RSAD2: variants seen among roughly 807,000 people sequenced by gnomAD.
The protein encoded by RSAD2 is S-adenosylmethionine-dependent nucleotide dehydratase RSAD2.
RSAD2 carries 38 observed loss-of-function variants against 37.7 expected under a neutral mutation model. The ratio of observed to expected loss-of-function variants is 1.01; its 90% CI spans 0.78 to 1.32. RSAD2 has a LOEUF of 1.32. RSAD2 is among the 40% of genes most tolerant of loss of function. The pLI, the probability that RSAD2 is intolerant of heterozygous loss-of-function variation, is 0.00. For missense variants in RSAD2, 428 were observed against 437.5 expected, an observed-to-expected ratio of 0.98 and a Z score of 0.19; for synonymous variants, 163 against 157.4, an observed-to-expected ratio of 1.04 and a Z score of -0.27.
chr2:6,885,600 CT>C lies in RSAD2; in HGVS notation c.509-1334del, dbSNP rs368317144. 9.1e-3 allele frequency among the ~76,000 whole-genome samples: 1,391 copies of C among 152,308 alleles called. 24 individuals carry two copies. Among genetic ancestry groups the C allele is most frequent in the African/African-American group, 0.03 (1,247 of 41,562 alleles). On this transcript the variant is annotated intron_variant, in intron 2 of 5. Coordinates refer to ENST00000382040, the MANE Select transcript of RSAD2 (RefSeq NM_080657.5). ...AGCAAACAGATCTGCTCCATTAAAT[CT>C]CTCTTCCCAAGAGCTTTGGCAAGGA...
chr2:6,894,467 C>T (rs1356720106), intron 5 of RSAD2, among the ~76,000 whole-genome samples: 1 of 151,928 alleles, frequency 6.6e-6, no homozygotes, highest in African/African-American at 2.4e-5. Flanking sequence ...GCTTTTCTTT[C>T]TTTCTTTTCT....
At chr2:6,866,412 T>C in intron 1 of RSAD2, 1 of 983,190 alleles carries the variant, frequency 1.0e-6, no homozygotes, top group Non-Finnish European at 1.2e-6. Flanking sequence ...ACACTCACCT[T>C]TGCACACACT....
intron 3 of RSAD2, among the ~76,000 whole-genome samples, chr2:6,887,377 T>G (rs1227730210): frequency 6.6e-6 from 1 of 152,212 alleles, no homozygotes; most frequent in African/African-American, 2.4e-5. Flanking sequence ...TTGCCTTACT[T>G]CCCTTTTCTG....
Position 6,878,021 on chromosome 2 carries a change from GCGTCAACTAT to G in RSAD2, c.223_232del (p.Val75ThrfsTer63), listed in dbSNP as rs753057810. The G allele has an allele frequency of 3.1e-6, 5 of 1,614,084 alleles. No homozygotes were observed. The highest frequency in any genetic ancestry group is 4.2e-6 in the Non-Finnish European group (5 of 1,180,042). ...CCTCCTCTGCCCACCACCCCAACCA[GCGTCAACTAT>G]CACTTCACTCGCCAGTGCAACTACA... On this transcript the variant is annotated frameshift_variant, in exon 1 of 6. Coordinates refer to ENST00000382040, the MANE Select transcript of RSAD2 (RefSeq NM_080657.5). LOFTEE classifies it high-confidence loss of function.
At chr2:6,888,601 C>T (rs1296147587) in intron 3 of RSAD2, among the ~76,000 whole-genome samples, 2 of 149,280 alleles carry the variant, frequency 1.3e-5, no homozygotes, top group African/African-American at 4.9e-5. Context: ...AATATTTTTT[C>T]CCCACAGCTT....
chr2:6,869,421 TATTTCAG>T (rs1663166711), intron 1 of RSAD2, among the ~76,000 whole-genome samples: 1 of 152,098 alleles, frequency 6.6e-6, no homozygotes, highest in Non-Finnish European at 1.5e-5. Flanking sequence ...AGCCCACTCT[TATTTCAG>T]AGCATGTTGA....
At chr2:6,877,735 T>A, upstream of RSAD2, 1 of 1,265,470 alleles carries the variant, frequency 7.9e-7, no homozygotes. Flanking sequence ...AGACTGCTGA[T>A]TTCCATCCCT....
intron 4 of RSAD2, among the ~76,000 whole-genome samples, chr2:6,891,549 C>A (rs1663628824): frequency 6.6e-6 from 1 of 152,080 alleles, no homozygotes; most frequent in East Asian, 1.9e-4. Flanking sequence ...GGGCGGATCA[C>A]GAGGTCAGGA....
rs1267436957 is a variant in RSAD2 at position 6,877,930 on chromosome 2, A to G, written c.130A>G (p.Thr44Ala). ...GAGGGCAACCTTCTGGCTGCTAGCT[A>G]CCAAGAGGAGAAAGCAGCAGCTGGT... ...WLRATFWLLA[T>A]KRRKQQLVLR... The change falls in exon 1 of 6, where the codon ACC becomes GCC. Residue 44 changes from threonine (T) to alanine (A), a missense_variant. Thr to Ala is a moderately conservative substitution (Grantham distance 58). Coordinates refer to ENST00000382040, the MANE Select transcript of RSAD2 (RefSeq NM_080657.5). 2 of 1,614,074 alleles carry G rather than the reference A, an allele frequency of 1.2e-6. No individual in the cohort carries two copies. The highest frequency in any genetic ancestry group is 3.3e-5 in the Admixed American group (2 of 60,012).
chr2:6,869,123 G>C (rs566310003), intron 1 of RSAD2, among the ~76,000 whole-genome samples: 2 of 152,288 alleles, frequency 1.3e-5, no homozygotes, highest in East Asian at 1.9e-4. Flanking sequence ...TTTCAAACAC[G>C]TCCTGGTAGT....
chr2:6,876,119 A>G (rs538813645), upstream of RSAD2, among the ~76,000 whole-genome samples: 1 of 152,328 alleles, frequency 6.6e-6, no homozygotes, highest in East Asian at 1.9e-4. Flanking sequence ...ACTTCCAGGC[A>G]GGTTGAATTT....
intron 2 of RSAD2, among the ~76,000 whole-genome samples, chr2:6,884,828 G>A (rs1375901144): frequency 6.6e-6 from 1 of 152,074 alleles, no homozygotes; most frequent in African/African-American, 2.4e-5. Flanking sequence ...AAGAGAATTT[G>A]GATGATCCTC....
rs1281160126 is a variant in RSAD2, at chr2:6,897,159, A to T, written c.*1217A>T. On this transcript the variant is annotated 3_prime_UTR_variant, in exon 6 of 6. Transcript: ENST00000382040. Reference sequence around the variant, plus strand: ...AAGCATAAGGGAAAATGTCACGTAAACTAGATCAGGGAACAAAATCCTCTC... The same window carrying T: ...AAGCATAAGGGAAAATGTCACGTAATCTAGATCAGGGAACAAAATCCTCTC... 6.6e-6 allele frequency: 1 copy of T among 152,196 alleles called. No individual in the cohort carries two copies. The highest frequency in any genetic ancestry group is 1.5e-5 in the Non-Finnish European group (1 of 68,048). The allele number at this position is 152,196 out of a possible 1,614,324, so 9.4% of individuals were successfully genotyped here.
intron 1 of RSAD2, among the ~76,000 whole-genome samples, 196 bp from the exon 2 acceptor site, chr2:6,883,175 C>A (rs1401150233): frequency 6.6e-6 from 1 of 152,204 alleles, no homozygotes; most frequent in Non-Finnish European, 1.5e-5. Flanking sequence ...CAGTTCCCTG[C>A]ATCCCTGTTT....
At chr2:6,871,501 T>C (rs564677533) in intron 1 of RSAD2, among the ~76,000 whole-genome samples, 5 of 152,380 alleles carry the variant, frequency 3.3e-5, no homozygotes, top group African/African-American at 1.2e-4. Flanking sequence ...TTTCTGTATT[T>C]GAGATGTAAA....
In RSAD2 at chr2:6,897,583, T is replaced by C. The variant is rs1663803145; in HGVS notation, c.*1641T>C. Reference sequence around the variant, plus strand: ...TTCCATTTTACCTATTTACTTTTTTTGTAAGAAAAGAGAAAAATGAATTCT... The same window carrying C: ...TTCCATTTTACCTATTTACTTTTTTCGTAAGAAAAGAGAAAAATGAATTCT... On this transcript the variant is annotated 3_prime_UTR_variant, in exon 6 of 6. Coordinates refer to ENST00000382040, the MANE Select transcript of RSAD2 (RefSeq NM_080657.5). 1 of 152,228 alleles carries C rather than the reference T, an allele frequency of 6.6e-6. No homozygotes were observed. The highest frequency in any genetic ancestry group is 2.1e-4 in the South Asian group (1 of 4,836). 9.4% of individuals were successfully genotyped at this position (152,228 alleles called of 1,614,324 possible).
At chr2:6,880,145 G>C (rs1169879498) in intron 1 of RSAD2, among the ~76,000 whole-genome samples, 1 of 152,158 alleles carries the variant, frequency 6.6e-6, no homozygotes, top group African/African-American at 2.4e-5. Flanking sequence ...TTACATGATA[G>C]TGTAGGTTGT....
At chr2:6,884,481 GA>G (rs1663476324) in intron 2 of RSAD2, among the ~76,000 whole-genome samples, 1 of 152,192 alleles carries the variant, frequency 6.6e-6, no homozygotes, top group Non-Finnish European at 1.5e-5. Context: ...CTCAGAGAGA[GA>G]AAAAAGAAAC....
chr2:6,895,594 A>G (rs1663757579), intron 5 of RSAD2, among the ~76,000 whole-genome samples, 184 bp from the exon 6 acceptor site: 1 of 152,228 alleles, frequency 6.6e-6, no homozygotes, highest in Admixed American at 6.5e-5. Context: ...AGCCTCTTCC[A>G]CCAGACCATG....
Sources: gnomAD v4.1 joint callset for allele counts (sites outside exome capture counted in the v4.1 genomes callset) on GRCh38, gnomAD v4.1.1 for gene constraint, MANE v1.5 for transcripts, NCBI Gene and HGNC (gene_info 2026-07-23, HGNC 2026-07-21) for gene names.